GRM7: variants seen among roughly 807,000 people sequenced by gnomAD.
GRM7 encodes metabotropic glutamate receptor 7.
A neutral mutation model predicts 84.5 loss-of-function variants in GRM7; 35 were observed. That is an observed-to-expected ratio of 0.41 (90% confidence interval 0.32 to 0.55). GRM7 has a LOEUF of 0.55. Ranked by LOEUF, GRM7 falls within the 20% of genes least tolerant of loss-of-function variation. The pLI, the probability that GRM7 is intolerant of heterozygous loss-of-function variation, is 0.19. For missense variants in GRM7, 1,003 were observed against 1,194.6 expected, an observed-to-expected ratio of 0.84 and a Z score of 2.36; for synonymous variants, 487 against 455.1, an observed-to-expected ratio of 1.07 and a Z score of -0.89.
chr3:7,722,822 C>T (rs1701998667), intron 9 of GRM7, among the ~76,000 whole-genome samples: 1 of 152,074 alleles, frequency 6.6e-6, no homozygotes. Context: ...CAGGGTCTCA[C>T]TCTGTCACCC....
At chr3:7,179,923 T>G (rs1349728952) in intron 2 of GRM7, among the ~76,000 whole-genome samples, 1 of 152,224 alleles carries the variant, frequency 6.6e-6, no homozygotes, top group African/African-American at 2.4e-5. Flanking sequence ...CTTCTTTCCC[T>G]TCCCAGAGAT....
At chr3:7,452,584 G>GTA (rs764466911) in intron 5 of GRM7, 23 bp from the exon 6 acceptor site, 23 of 1,368,210 alleles carry the variant, frequency 1.7e-5, no homozygotes, top group Non-Finnish European at 1.0e-5. Flanking sequence ...GTGTGTGTGT[G>GTA]TGTTTCTTGT....
chr3:7,358,839 C>A (rs1020286300), intron 4 of GRM7, among the ~76,000 whole-genome samples: 1 of 152,010 alleles, frequency 6.6e-6, no homozygotes, highest in Non-Finnish European at 1.5e-5. Flanking sequence ...ATTTCCTGGA[C>A]GGGCACAGTG....
chr3:6,992,719 AG>A lies in GRM7; in HGVS notation c.519+130813del, dbSNP rs1424412363. Reference sequence around the variant, plus strand: ...CACAGGAGCCATAACCATGAAGAAAAGCAGCCACTGCCAGAAAAAAATGGCT... The same window carrying A: ...CACAGGAGCCATAACCATGAAGAAAACAGCCACTGCCAGAAAAAAATGGCT... On this transcript the variant is annotated intron_variant, in intron 1 of 9. Coordinates refer to ENST00000357716, the MANE Select transcript of GRM7 (RefSeq NM_000844.4). 7.9e-5 allele frequency among the ~76,000 whole-genome samples: 12 copies of A among 152,330 alleles called. No homozygotes were observed. In the South Asian group the frequency reaches 1.0e-3, roughly 13 times the overall value.
At chr3:7,086,773 G>C (rs1435096688) in intron 1 of GRM7, among the ~76,000 whole-genome samples, 1 of 152,172 alleles carries the variant, frequency 6.6e-6, no homozygotes, top group African/African-American at 2.4e-5. Flanking sequence ...GTCCTTTCTT[G>C]TTACAGTTGC....
chr3:7,665,703 C>T (rs76604753), intron 8 of GRM7, among the ~76,000 whole-genome samples: 2,019 of 152,180 alleles, frequency 0.013, 36 homozygotes, highest in East Asian at 0.09. Flanking sequence ...AGTATCTGTG[C>T]AGTAGAGTGA....
chr3:6,904,662 C>T (rs550685645), intron 1 of GRM7, among the ~76,000 whole-genome samples: 25 of 151,740 alleles, frequency 1.6e-4, no homozygotes, highest in Non-Finnish European at 3.4e-4. Context: ...TGTTTAGTTG[C>T]ATTTTCCATT....
At chr3:7,079,139 A>C (rs1449709172) in intron 1 of GRM7, among the ~76,000 whole-genome samples, 3 of 152,148 alleles carry the variant, frequency 2.0e-5, no homozygotes, top group Non-Finnish European at 4.4e-5. Flanking sequence ...ATGTTAAAGC[A>C]ATGGCCCAGA....
intron 1 of GRM7, among the ~76,000 whole-genome samples, chr3:7,082,563 GTTA>G (rs1323768529): frequency 1.3e-4 from 20 of 152,054 alleles, no homozygotes; most frequent in Non-Finnish European, 2.4e-4. Flanking sequence ...ACTTTCCAGT[GTTA>G]TTATTTAAGA....
rs759557340 is a variant in GRM7 at position 7,380,632 on chromosome 3, G to GT, written c.1034-34390dup. ...CTGAAGCAAGGTGAGCAAGAAGGAG[G>GT]TGATGAGGGCTCCAGGCCCTCCTAG... On this transcript the variant is annotated intron_variant, in intron 4 of 9. Coordinates refer to ENST00000357716, the MANE Select transcript of GRM7 (RefSeq NM_000844.4). 1.6e-4 allele frequency among the ~76,000 whole-genome samples: 25 copies of GT among 152,318 alleles called. 1 individual carries two copies. Among genetic ancestry groups the GT allele is most frequent in the Admixed American group, 3.9e-4 (6 of 15,304 alleles).
chr3:6,982,506 T>G lies in GRM7; in HGVS notation c.519+120599T>G, dbSNP rs1179233877. Among the ~76,000 whole-genome samples, 6 of 152,324 alleles carry G rather than the reference T, an allele frequency of 3.9e-5. No homozygotes were observed. The East Asian group carries it at 9.7e-4, about 25-fold the overall frequency. ...CATAGGTATTTTTTCTGATATTACT[T>G]TTTAAGTTGCCTTTAAAGCATACAG... On this transcript the variant is annotated intron_variant, in intron 1 of 9. Transcript: ENST00000357716.
chr3:6,952,856 T>C (rs1415617220), intron 1 of GRM7, among the ~76,000 whole-genome samples: 1 of 152,252 alleles, frequency 6.6e-6, no homozygotes, highest in Admixed American at 6.5e-5. Context: ...TATTAGTTTG[T>C]TACCAACATC....
At position 7,002,816 on chromosome 3, in the gene GRM7, A is replaced by G. The variant is rs922886738; in HGVS notation, c.519+140909A>G. Among the ~76,000 whole-genome samples the G allele has an allele frequency of 5.9e-5, 9 of 152,254 alleles. 1 individual carries two copies. In the East Asian group the frequency reaches 1.7e-3, roughly 29 times the overall value. The stretch of plus-strand genomic sequence containing the variant: ...TGTTCATTTAAGTACTATTGATAAT[A>G]GCCAAGGTATAGAATTAACCTAATT... On this transcript the variant is annotated intron_variant, in intron 1 of 9. Transcript: ENST00000357716.
At chr3:7,550,978 C>T (rs2125025800) in intron 7 of GRM7, among the ~76,000 whole-genome samples, 2 of 152,210 alleles carry the variant, frequency 1.3e-5, no homozygotes, top group East Asian at 3.9e-4. Flanking sequence ...GTTAGAATCC[C>T]CATTCATCTT....
At chr3:7,668,224 C>T (rs1433047060) in intron 8 of GRM7, among the ~76,000 whole-genome samples, 1 of 152,182 alleles carries the variant, frequency 6.6e-6, no homozygotes, top group Admixed American at 6.5e-5. Context: ...CAGGCTCTTT[C>T]CCCTTCCCAC....
intron 9 of GRM7, among the ~76,000 whole-genome samples, chr3:7,713,000 C>G (rs1415198951): frequency 6.6e-6 from 1 of 151,980 alleles, no homozygotes; most frequent in Non-Finnish European, 1.5e-5. Context: ...TATAAGGATG[C>G]CAATCACTAG....
At chr3:7,665,297 G>T (rs1050062715) in intron 8 of GRM7, among the ~76,000 whole-genome samples, 1 of 149,482 alleles carries the variant, frequency 6.7e-6, no homozygotes, top group Non-Finnish European at 1.5e-5. Context: ...TCAGCCTCCC[G>T]AGTAGCTGGG....
At chr3:7,284,661 A>G (rs967322635) in intron 2 of GRM7, among the ~76,000 whole-genome samples, 1 of 152,064 alleles carries the variant, frequency 6.6e-6, no homozygotes, top group African/African-American at 2.4e-5. Context: ...TTATTTTATT[A>G]TTAAAACTAG....
rs192665027 is a variant in GRM7, at chr3:7,541,039, T to A, written c.1516-37383T>A. ...TGTTTGTATGTAAAAAGTATGTATA[T>A]TTAAAATAAAACCAAGGGTTGGTGA... On this transcript the variant is annotated intron_variant, in intron 7 of 9. Coordinates refer to ENST00000357716, the MANE Select transcript of GRM7 (RefSeq NM_000844.4). Among the ~76,000 whole-genome samples the A allele has an allele frequency of 1.3e-3, 194 of 152,300 alleles. 1 individual carries two copies. The highest frequency in any genetic ancestry group is 4.5e-3 in the African/African-American group (187 of 41,570).
Sources: gnomAD v4.1 joint callset for allele counts (sites outside exome capture counted in the v4.1 genomes callset) on GRCh38, gnomAD v4.1.1 for gene constraint, MANE v1.5 for transcripts, NCBI Gene and HGNC (gene_info 2026-07-23, HGNC 2026-07-21) for gene names.